GPX6: variants seen among roughly 807,000 people sequenced by gnomAD.
GPX6 encodes the protein glutathione peroxidase 6.
Under a neutral mutation model 20.0 loss-of-function variants are expected in GPX6, and 21 were observed. The ratio of observed to expected loss-of-function variants is 1.05; its 90% CI spans 0.74 to 1.51. GPX6 has a LOEUF of 1.51. Ranked by LOEUF, GPX6 falls within the 40% of genes most tolerant of loss-of-function variation. GPX6 has a pLI of 0.00. For missense variants in GPX6, 233 were observed against 254.7 expected, an observed-to-expected ratio of 0.91 and a Z score of 0.58; for synonymous variants, 75 against 98.0, an observed-to-expected ratio of 0.77 and a Z score of 1.38.
At chr6:28,514,530 T>C (rs938862723) in intron 1 of GPX6, among the ~76,000 whole-genome samples, 1 of 152,252 alleles carries the variant, frequency 6.6e-6, no homozygotes, top group South Asian at 2.1e-4. Context: ...AGCTGTCTTA[T>C]GGCTTGTAAT....
chr6:28,503,610 AG>A lies in GPX6; in HGVS notation c.*681del, dbSNP rs1762776954. On this transcript the variant is annotated 3_prime_UTR_variant, in exon 5 of 5. Transcript: ENST00000361902. ...TGAATGCACTAAGGGACAGGCACCA[AG>A]GAAGGCTCTGGCAGGGTGCGACCCA... The A allele has an allele frequency of 1.3e-5, 2 of 152,376 alleles. No homozygotes were observed. Among genetic ancestry groups the A allele is most frequent in the South Asian group, 4.1e-4 (2 of 4,832 alleles). The allele number at this position is 152,376 out of a possible 1,614,324, so 9.4% of individuals were successfully genotyped here.
rs1006024843 is a variant in GPX6, at chr6:28,508,596, A to G, written c.241+2155T>C. On this transcript the variant is annotated intron_variant, in intron 2 of 4. Coordinates refer to ENST00000361902, the MANE Select transcript of GPX6 (RefSeq NM_182701.1). ...TGAAGCAGTTGGATCACTTGAGGCC[A>G]GGAGTTCGAGAGCAGCCTGACCAAC... Among the ~76,000 whole-genome samples, 9 of 152,088 alleles carry G rather than the reference A, an allele frequency of 5.9e-5. No homozygotes were observed. The South Asian group carries it at 1.0e-3, about 18-fold the overall frequency.
chr6:28,506,312 T>C lies in GPX6; in HGVS notation c.359A>G (p.Lys120Arg), dbSNP rs1452022701. The C allele has an allele frequency of 6.3e-7, 1 of 1,588,350 alleles. No individual in the cohort carries two copies. The highest frequency in any genetic ancestry group is 1.7e-5 in the Admixed American group (1 of 59,982). ...TGCAGGGTCCCATGCAAGCACTCAC[T>C]TGAGACCAAGAAGTATTTCTGAGTT... ...GTNSEILLGL[K>R]YVCPGSGFVP... Residue 120 changes from lysine (K) to arginine (R), a missense_variant and splice_region_variant, in exon 3 of 5, where the codon AAG becomes AGG. Lys to Arg is a conservative substitution (Grantham distance 26). Coordinates refer to ENST00000361902, the MANE Select transcript of GPX6 (RefSeq NM_182701.1).
intron 3 of GPX6, among the ~76,000 whole-genome samples, 153 bp downstream of exon 3, chr6:28,506,159 T>G (rs1015589621): frequency 2.0e-5 from 3 of 152,202 alleles, no homozygotes; most frequent in African/African-American, 7.2e-5. Context: ...GCACTGTGAA[T>G]AGAATAGATT....
At chr6:28,505,943 T>C (rs1330539821) in intron 3 of GPX6, 141 bp from the exon 4 acceptor site, 1 of 665,514 alleles carries the variant, frequency 1.5e-6, no homozygotes, top group Non-Finnish European at 2.6e-6. Flanking sequence ...AAAGATAGTC[T>C]GTGGGAAGCA....
rs1762775955 is a variant in GPX6, at chr6:28,503,519, G to C, written c.*773C>G. The C allele has an allele frequency of 6.6e-6, 1 of 152,230 alleles. No individual in the cohort carries two copies. The highest frequency in any genetic ancestry group is 6.6e-5 in the Admixed American group (1 of 15,256). 9.4% of individuals were successfully genotyped at this position (152,230 alleles called of 1,614,324 possible). ...ATCAAAATAAGCTTAAAGTTGAGGAGGCTCAGGGTGAGGAGAAAGCCCATC... is the reference window on the plus strand; with the variant it reads ...ATCAAAATAAGCTTAAAGTTGAGGACGCTCAGGGTGAGGAGAAAGCCCATC... On this transcript the variant is annotated 3_prime_UTR_variant, in exon 5 of 5. Transcript: ENST00000361902.
At chr6:28,506,450 G>A (rs1255355098) in intron 2 of GPX6, 21 bp from the exon 3 acceptor site, 7 of 1,412,610 alleles carry the variant, frequency 5.0e-6, no homozygotes, top group African/African-American at 4.2e-5. Flanking sequence ...ACAATGAATA[G>A]CAGGGGTGGG....
chr6:28,513,226 C>T (rs749377100), intron 1 of GPX6, among the ~76,000 whole-genome samples: 2 of 152,160 alleles, frequency 1.3e-5, no homozygotes, highest in Admixed American at 6.5e-5. Context: ...AGGCAAGATC[C>T]CTGGGATACA....
chr6:28,506,529 G>C (rs888645107), intron 2 of GPX6, 100 bp from the exon 3 acceptor site: 2 of 727,242 alleles, frequency 2.8e-6, no homozygotes, highest in Non-Finnish European at 2.5e-6. Context: ...TGAATAAACC[G>C]AGGACTAAGA....
At chr6:28,510,978 A>G in intron 1 of GPX6, 74 bp from the exon 2 acceptor site, 1 of 1,279,458 alleles carries the variant, frequency 7.8e-7, no homozygotes, top group Non-Finnish European at 1.1e-6. Flanking sequence ...CTTTTTCAAA[A>G]CACTCGAAGA....
chr6:28,512,134 G>A (rs1314520641), intron 1 of GPX6, among the ~76,000 whole-genome samples: 1 of 152,214 alleles, frequency 6.6e-6, no homozygotes, highest in Non-Finnish European at 1.5e-5. Flanking sequence ...GCTCCACGCC[G>A]CCCAGTCCCA....
At chr6:28,506,574 T>G in intron 2 of GPX6, 145 bp from the exon 3 acceptor site, 8 of 512,860 alleles carry the variant, frequency 1.6e-5, no homozygotes, top group South Asian at 9.3e-5. Context: ...ATCAAAGGAG[T>G]AGAGAAAAAA....
rs762553673 is a variant in GPX6 at position 28,515,782 on chromosome 6, T to C, written c.-39A>G. The C allele has an allele frequency of 1.3e-6, 2 of 1,561,940 alleles. No individual in the cohort carries two copies. Among genetic ancestry groups the C allele is most frequent in the South Asian group, 2.2e-5 (2 of 89,986 alleles). ...AGACGACTCTGAGGTCCCCAGGATT[T>C]CAGCCCCTTTTGAGCCCCTGGCAGG... On this transcript the variant is annotated 5_prime_UTR_variant, in exon 1 of 5. Transcript: ENST00000361902.
Position 28,510,864 on chromosome 6 carries a change from T to C in GPX6, c.128A>G (p.Tyr43Cys), listed in dbSNP as rs754714601. The change falls in exon 2 of 5, where the codon TAT (tyrosine) becomes TGT (cysteine). Residue 43 changes from tyrosine (Y) to cysteine (C), a missense_variant. Physicochemically the swap from Tyr to Cys is radical, Grantham distance 194. Coordinates refer to ENST00000361902, the MANE Select transcript of GPX6 (RefSeq NM_182701.1). ...CTCGCCGTTGAGGGTGAGGGCTCCATACTCATAGATGGTGCCTGTTACCCC... is the reference window on the plus strand; with the variant it reads ...CTCGCCGTTGAGGGTGAGGGCTCCACACTCATAGATGGTGCCTGTTACCCC... ...NKGVTGTIYEYGALTLNGEEY... is the reference protein window; with the variant it reads ...NKGVTGTIYECGALTLNGEEY... 5.0e-6 allele frequency: 8 copies of C among 1,613,934 alleles called. No individual in the cohort carries two copies. The highest frequency in any genetic ancestry group is 8.5e-7 in the Non-Finnish European group (1 of 1,179,834).
chr6:28,513,202 C>T (rs986189201), intron 1 of GPX6, among the ~76,000 whole-genome samples: 5 of 152,202 alleles, frequency 3.3e-5, no homozygotes, highest in Non-Finnish European at 5.9e-5. Flanking sequence ...TGATCCGATT[C>T]TTCTCGTAAA....
chr6:28,509,176 T>C (rs2113600389), intron 2 of GPX6, among the ~76,000 whole-genome samples: 1 of 152,238 alleles, frequency 6.6e-6, no homozygotes, highest in East Asian at 1.9e-4. Context: ...ATATTTTTGA[T>C]CAGCTGAACA....
At chr6:28,511,105 T>G (rs1048369029) in intron 1 of GPX6, among the ~76,000 whole-genome samples, 3 of 152,180 alleles carry the variant, frequency 2.0e-5, no homozygotes, top group Non-Finnish European at 4.4e-5. Flanking sequence ...AGCCATTTTT[T>G]TGTGTGTGTG....
intron 1 of GPX6, among the ~76,000 whole-genome samples, chr6:28,514,860 AAATT>A (rs1762995441): frequency 6.6e-6 from 1 of 152,242 alleles, no homozygotes; most frequent in Admixed American, 6.5e-5. Flanking sequence ...GCTTTTGAAT[AAATT>A]CATCTGATTT....
chr6:28,512,818 G>C (rs1052438413), intron 1 of GPX6, among the ~76,000 whole-genome samples: 3 of 151,924 alleles, frequency 2.0e-5, no homozygotes, highest in Non-Finnish European at 4.4e-5. Flanking sequence ...AACAACTCCA[G>C]ACGCGCTGCC....
Sources: gnomAD v4.1 joint callset for allele counts (sites outside exome capture counted in the v4.1 genomes callset) on GRCh38, gnomAD v4.1.1 for gene constraint, MANE v1.5 for transcripts, NCBI Gene and HGNC (gene_info 2026-07-23, HGNC 2026-07-21) for gene names.